The following PDCL2 variants were observed in gnomAD, a reference collection of about 807,000 sequenced individuals.
PDCL2 encodes the protein phosducin-like protein 2.
A neutral mutation model predicts 30.3 loss-of-function variants in PDCL2; 23 were observed. The ratio of observed to expected loss-of-function variants is 0.76; its 90% CI spans 0.55 to 1.08. The LOEUF (loss-of-function observed/expected upper bound fraction) is 1.08. PDCL2 is among the 50% of genes least tolerant of loss of function. The pLI, the probability that PDCL2 is intolerant of heterozygous loss-of-function variation, is 0.00. For missense variants in PDCL2, 243 were observed against 282.3 expected, an observed-to-expected ratio of 0.86 and a Z score of 1.00; for synonymous variants, 68 against 86.2, an observed-to-expected ratio of 0.79 and a Z score of 1.17.
intron 1 of PDCL2, among the ~76,000 whole-genome samples, chr4:55,591,787 C>T (rs1238067624): frequency 1.3e-5 from 2 of 152,148 alleles, no homozygotes; most frequent in African/African-American, 4.8e-5. Flanking sequence ...CTTGGGCTAA[C>T]GTTGCCGCTC....
At chr4:55,563,495 A>T (rs1000921998) in intron 4 of PDCL2, among the ~76,000 whole-genome samples, 9 of 152,248 alleles carry the variant, frequency 5.9e-5, no homozygotes, top group Admixed American at 3.9e-4. Flanking sequence ...AGCCTGGCCA[A>T]CATGGTGAAA....
intron 3 of PDCL2, among the ~76,000 whole-genome samples, chr4:55,580,184 G>A (rs1202321773): frequency 1.3e-5 from 2 of 152,098 alleles, no homozygotes; most frequent in Non-Finnish European, 2.9e-5. Flanking sequence ...TTGCATTCCT[G>A]CAATCAATAC....
chr4:55,574,697 A>G (rs1017864154), intron 3 of PDCL2, among the ~76,000 whole-genome samples: 5 of 152,202 alleles, frequency 3.3e-5, no homozygotes, highest in Non-Finnish European at 7.3e-5. Context: ...CCTGGTAACC[A>G]ATAATTGTGT....
chr4:55,581,852 C>T (rs931200622), intron 2 of PDCL2, among the ~76,000 whole-genome samples: 2 of 152,012 alleles, frequency 1.3e-5, no homozygotes, highest in Non-Finnish European at 2.9e-5. Context: ...TACAGGCACC[C>T]ACCACCACAC....
chr4:55,585,524 TCA>T (rs71192022), intron 1 of PDCL2, among the ~76,000 whole-genome samples: 14 of 150,132 alleles, frequency 9.3e-5, no homozygotes, highest in South Asian at 4.2e-4. Flanking sequence ...TGAGATACTG[TCA>T]CACACACACA....
intron 3 of PDCL2, among the ~76,000 whole-genome samples, chr4:55,575,450 G>T (rs1243524169): frequency 6.6e-6 from 1 of 152,140 alleles, no homozygotes; most frequent in Non-Finnish European, 1.5e-5. Flanking sequence ...CACACATGTT[G>T]TGTGAATCTC....
At chr4:55,572,135 T>G (rs535316057) in intron 3 of PDCL2, among the ~76,000 whole-genome samples, 1 of 152,124 alleles carries the variant, frequency 6.6e-6, no homozygotes, top group Non-Finnish European at 1.5e-5. Context: ...AGTAAATACA[T>G]GGGCTGGTTT....
intron 3 of PDCL2, among the ~76,000 whole-genome samples, chr4:55,573,050 G>A (rs924780204): frequency 1.3e-5 from 2 of 152,118 alleles, no homozygotes; most frequent in African/African-American, 2.4e-5. Flanking sequence ...GAGCCACCGC[G>A]CCCGGCTGTG....
At chr4:55,590,403 G>T (rs977757365) in intron 1 of PDCL2, among the ~76,000 whole-genome samples, 15 of 148,340 alleles carry the variant, frequency 1.0e-4, no homozygotes, top group Non-Finnish European at 1.9e-4. Context: ...CTTGAGCCTG[G>T]GAGGTTGATC....
chr4:55,566,895 C>A (rs1199920454), intron 4 of PDCL2, among the ~76,000 whole-genome samples: 1 of 152,082 alleles, frequency 6.6e-6, no homozygotes, highest in Non-Finnish European at 1.5e-5. Flanking sequence ...CACATTCAAC[C>A]TCTTTATGAA....
intron 4 of PDCL2, among the ~76,000 whole-genome samples, chr4:55,563,631 T>C (rs1393808912): frequency 6.6e-6 from 1 of 152,216 alleles, no homozygotes; most frequent in East Asian, 1.9e-4. Flanking sequence ...CACAAGTTTA[T>C]TAACATGTAC....
intron 5 of PDCL2, 65 bp downstream of exon 5, chr4:55,562,339 A>C: frequency 8.9e-7 from 1 of 1,122,758 alleles, no homozygotes. Context: ...GTAAGCTTTC[A>C]GGATGCTTGT....
chr4:55,569,921 C>G (rs1001928616), intron 3 of PDCL2, 60 bp from the exon 4 acceptor site: 3 of 1,233,582 alleles, frequency 2.4e-6, no homozygotes, highest in Non-Finnish European at 3.3e-6. Flanking sequence ...AGGTCATTCT[C>G]ATATGTAATA....
chr4:55,559,967 T>C (rs1433267201), intron 5 of PDCL2, among the ~76,000 whole-genome samples: 1 of 152,150 alleles, frequency 6.6e-6, no homozygotes, highest in Non-Finnish European at 1.5e-5. Flanking sequence ...TTGCCTGGGC[T>C]GAAGCAAATG....
chr4:55,556,932 C>T (rs1731984731), intron 5 of PDCL2, among the ~76,000 whole-genome samples: 1 of 152,094 alleles, frequency 6.6e-6, no homozygotes, highest in Non-Finnish European at 1.5e-5. Context: ...CTCCCAGGTT[C>T]AAGTGATTCT....
chr4:55,565,375 C>T (rs970296543), intron 4 of PDCL2, among the ~76,000 whole-genome samples: 3 of 152,138 alleles, frequency 2.0e-5, no homozygotes, highest in African/African-American at 7.2e-5. Flanking sequence ...TTAACTGACT[C>T]ACAGTTCAGT....
rs1354741394 is a variant in PDCL2, at chr4:55,560,973, G to GT, written c.571+1430dup. The stretch of plus-strand genomic sequence containing the variant: ...GTGAGACATTAATATAAAGTTTCTT[G>GT]TTTATAAGCCACCCAGTTTACAGTA... On this transcript the variant is annotated intron_variant, in intron 5 of 5. Coordinates refer to ENST00000295645, the MANE Select transcript of PDCL2 (RefSeq NM_152401.3). 1.6e-4 allele frequency among the ~76,000 whole-genome samples: 25 copies of GT among 152,202 alleles called. 1 individual carries two copies. The South Asian group carries it at 4.6e-3, about 28-fold the overall frequency.
intron 1 of PDCL2, among the ~76,000 whole-genome samples, chr4:55,591,459 G>C (rs979308216): frequency 6.6e-6 from 1 of 152,152 alleles, no homozygotes; most frequent in Non-Finnish European, 1.5e-5. Context: ...TGCAATCTCG[G>C]CTCACTGAAA....
chr4:55,584,119 T>A (rs1403169026), intron 1 of PDCL2, among the ~76,000 whole-genome samples: 1 of 152,256 alleles, frequency 6.6e-6, no homozygotes, highest in African/African-American at 2.4e-5. Context: ...GAATTTTTCA[T>A]GTCCTTGGTT....
Sources: gnomAD v4.1 joint callset for allele counts (sites outside exome capture counted in the v4.1 genomes callset) on GRCh38, gnomAD v4.1.1 for gene constraint, MANE v1.5 for transcripts, NCBI Gene and HGNC (gene_info 2026-07-23, HGNC 2026-07-21) for gene names.